Variants in FAT3 observed in about 807,000 individuals in gnomAD.
FAT3 encodes the protein FAT atypical cadherin 3.
A neutral mutation model predicts 310.2 loss-of-function variants in FAT3; 95 were observed. The observed-to-expected ratio is 0.31, with a 90% CI of 0.26 to 0.36. The LOEUF is 0.36. FAT3 is among the 10% of genes least tolerant of loss of function. The pLI is 1.00. For synonymous variants in FAT3, 2,314 were observed against 2,192.9 expected (o/e 1.06, Z -1.54); for missense variants, 5,408 against 5,715.6 (o/e 0.95, Z 1.74).
chr11:92,641,880 A>T (rs1941977329), intron 3 of FAT3, among the ~76,000 whole-genome samples: 2 of 152,262 alleles, frequency 1.3e-5, no homozygotes, highest in Admixed American at 6.5e-5. Context: ...AAACAAAAAC[A>T]ATGGTTCTTA....
chr11:92,568,867 G>A (rs559203913), intron 3 of FAT3, among the ~76,000 whole-genome samples: 2 of 152,166 alleles, frequency 1.3e-5, no homozygotes, highest in South Asian at 2.1e-4. Flanking sequence ...GACCTCAGGT[G>A]GTATCTTCAT....
intron 2 of FAT3, among the ~76,000 whole-genome samples, chr11:92,409,113 C>T (rs750548411): frequency 5.9e-5 from 9 of 152,076 alleles, no homozygotes; most frequent in East Asian, 1.9e-4. Context: ...GCTTTCTTCT[C>T]GTGATATTTA....
At chr11:92,887,580 A>C (rs1949825949) in intron 25 of FAT3, among the ~76,000 whole-genome samples, 1 of 152,186 alleles carries the variant, frequency 6.6e-6, no homozygotes, top group Admixed American at 6.5e-5. Context: ...CCTTGTAATC[A>C]TTTGGGTTAT....
chr11:92,514,507 G>A (rs970631113), intron 2 of FAT3, among the ~76,000 whole-genome samples: 1 of 152,150 alleles, frequency 6.6e-6, no homozygotes, highest in Admixed American at 6.6e-5. Context: ...ATACATTGCT[G>A]TCTGGGATAT....
In FAT3 at chr11:92,800,459, G is replaced by A; in HGVS notation, c.7446G>A (p.Val2482=). 6.2e-7 allele frequency: 1 copy of A among 1,613,964 alleles called. No individual in the cohort carries two copies. The highest frequency in any genetic ancestry group is 8.5e-7 in the Non-Finnish European group (1 of 1,179,878). The change falls in exon 10 of 28, where the codon GTG becomes GTA. Residue 2482 remains valine, a synonymous_variant. Coordinates refer to ENST00000525166, the MANE Select transcript of FAT3 (RefSeq NM_001367949.2). The part of the protein sequence containing the change: ...SDGLFTSTAQ[V]HIRVLGANLY... ...GGTTGTTCACCAGCACTGCACAGGTGCATATTAGGGTACTTGGGGCTAACT... is the reference window on the plus strand; with the variant it reads ...GGTTGTTCACCAGCACTGCACAGGTACATATTAGGGTACTTGGGGCTAACT...
intron 2 of FAT3, among the ~76,000 whole-genome samples, chr11:92,421,230 C>G (rs1778655668): frequency 6.6e-6 from 1 of 152,156 alleles, no homozygotes; most frequent in South Asian, 2.1e-4. Flanking sequence ...GAATTTAACT[C>G]TTAATTTTGG....
chr11:92,533,198 T>C (rs1591412895), intron 3 of FAT3, among the ~76,000 whole-genome samples: 2 of 152,032 alleles, frequency 1.3e-5, no homozygotes, highest in East Asian at 3.9e-4. Context: ...CCAGTTATTA[T>C]TATTATTATT....
At chr11:92,437,638 C>T (rs1446482172) in intron 2 of FAT3, among the ~76,000 whole-genome samples, 1 of 152,136 alleles carries the variant, frequency 6.6e-6, no homozygotes, top group Non-Finnish European at 1.5e-5. Context: ...CAATTTTCAA[C>T]AGGTGTCAGT....
intron 3 of FAT3, among the ~76,000 whole-genome samples, chr11:92,552,369 C>T (rs150687672): frequency 5.9e-5 from 9 of 152,148 alleles, no homozygotes; most frequent in African/African-American, 2.2e-4. Flanking sequence ...TTGTAAAAGT[C>T]ACATACTCAC....
At chr11:92,366,859 A>G (rs2134695797) in intron 2 of FAT3, 4 of 534,940 alleles carry the variant, frequency 7.5e-6, no homozygotes, top group Non-Finnish European at 1.5e-5. Context: ...TGCTGTAGAA[A>G]GGATGGTTGG....
chr11:92,399,775 C>T (rs897468181), intron 2 of FAT3, among the ~76,000 whole-genome samples: 3 of 152,140 alleles, frequency 2.0e-5, no homozygotes, highest in African/African-American at 2.4e-5. Context: ...CAACCACTTA[C>T]GCAAATCAGT....
chr11:92,292,986 A>C (rs566541766), intron 1 of FAT3, among the ~76,000 whole-genome samples: 1 of 150,322 alleles, frequency 6.7e-6, no homozygotes, highest in East Asian at 2.0e-4. Flanking sequence ...GAATAGCCAC[A>C]GCCTGGACAA....
intron 3 of FAT3, among the ~76,000 whole-genome samples, chr11:92,651,597 T>C (rs932211528): frequency 3.3e-5 from 5 of 152,220 alleles, no homozygotes; most frequent in Admixed American, 6.5e-5. Flanking sequence ...CACCTGTCCC[T>C]ACTGCATTCT....
intron 3 of FAT3, among the ~76,000 whole-genome samples, chr11:92,686,580 G>A (rs945179296): frequency 4.6e-5 from 7 of 152,018 alleles, no homozygotes; most frequent in African/African-American, 1.7e-4. Flanking sequence ...AGACAAAAGG[G>A]CAAGTTTGAA....
chr11:92,868,574 G>A (rs890314321), intron 22 of FAT3, among the ~76,000 whole-genome samples: 1 of 152,110 alleles, frequency 6.6e-6, no homozygotes, highest in Non-Finnish European at 1.5e-5. Context: ...ATATATAAAA[G>A]GAGCATATAA....
intron 3 of FAT3, among the ~76,000 whole-genome samples, chr11:92,645,922 T>C (rs1942146334): frequency 6.6e-6 from 1 of 152,238 alleles, no homozygotes; most frequent in Admixed American, 6.5e-5. Context: ...AATGGGTAAA[T>C]GAAGTAAAAT....
At chr11:92,790,344 G>C (rs1947008529) in intron 8 of FAT3, 126 bp downstream of exon 8, 2 of 1,049,512 alleles carry the variant, frequency 1.9e-6, no homozygotes, top group Non-Finnish European at 2.8e-6. Context: ...TTTTCACAGA[G>C]AGATTGCATT....
chr11:92,837,863 G>C (rs1948446034), intron 17 of FAT3, 57 bp downstream of exon 17: 1 of 1,604,720 alleles, frequency 6.2e-7, no homozygotes. Context: ...TTCTTCCTCT[G>C]CTGTGGTTTA....
At chr11:92,578,037 T>A (rs1031731544) in intron 3 of FAT3, among the ~76,000 whole-genome samples, 2 of 152,110 alleles carry the variant, frequency 1.3e-5, no homozygotes, top group Non-Finnish European at 2.9e-5. Context: ...TCAACAAATA[T>A]TTATAGTGTT....
Sources: gnomAD v4.1 joint callset for allele counts (sites outside exome capture counted in the v4.1 genomes callset) on GRCh38, gnomAD v4.1.1 for gene constraint, MANE v1.5 for transcripts, NCBI Gene and HGNC (gene_info 2026-07-23, HGNC 2026-07-21) for gene names.